ROBO2: variants seen among roughly 807,000 people sequenced by gnomAD.
ROBO2 encodes roundabout homolog 2.
Under a neutral mutation model 160.8 loss-of-function variants are expected in ROBO2, and 53 were observed. That is an observed-to-expected ratio of 0.33 (90% CI 0.26 to 0.41). The LOEUF is 0.41. ROBO2 is among the 10% of genes least tolerant of loss of function. The pLI is 1.00. For synonymous variants in ROBO2, 664 were observed against 611.7 expected (o/e 1.09, Z -1.26); for missense variants, 1,577 against 1,722.4 (o/e 0.92, Z 1.49).
At chr3:76,572,019 T>A (rs928507795) in intron 2 of ROBO2, among the ~76,000 whole-genome samples, 2 of 152,168 alleles carry the variant, frequency 1.3e-5, no homozygotes, top group Non-Finnish European at 2.9e-5. Context: ...TAAAATGTAG[T>A]CATATAAATG....
intron 2 of ROBO2, among the ~76,000 whole-genome samples, chr3:77,198,715 A>G (rs1247610196): frequency 6.6e-6 from 1 of 152,154 alleles, no homozygotes; most frequent in East Asian, 1.9e-4. Context: ...AGCCTAGCCA[A>G]TATGGTGAAA....
chr3:76,771,702 T>A (rs1164669704), intron 2 of ROBO2, among the ~76,000 whole-genome samples: 1 of 151,262 alleles, frequency 6.6e-6, no homozygotes, highest in African/African-American at 2.4e-5. Context: ...AACAATATTA[T>A]GCAAAATAAA....
chr3:77,536,640 G>A (rs756311519), intron 6 of ROBO2, among the ~76,000 whole-genome samples: 1 of 152,058 alleles, frequency 6.6e-6, no homozygotes, highest in Admixed American at 6.5e-5. Flanking sequence ...TGTGGTAGGA[G>A]GTGACTTCCA....
At chr3:76,287,303 T>C (rs1384996471) in intron 2 of ROBO2, among the ~76,000 whole-genome samples, 3 of 150,770 alleles carry the variant, frequency 2.0e-5, no homozygotes, top group Non-Finnish European at 4.4e-5. Flanking sequence ...TTCTTTTCTT[T>C]TTTTTTTTTT....
chr3:77,424,005 C>G (rs1403655326), intron 2 of ROBO2, among the ~76,000 whole-genome samples: 1 of 152,112 alleles, frequency 6.6e-6, no homozygotes, highest in Non-Finnish European at 1.5e-5. Context: ...AGAGTTTCTA[C>G]TTCTTTCCCC....
At chr3:76,104,712 T>TTAAA (rs572916499) in intron 2 of ROBO2, among the ~76,000 whole-genome samples, 23 of 152,328 alleles carry the variant, frequency 1.5e-4, no homozygotes, top group African/African-American at 5.3e-4. Context: ...AGACATCTCT[T>TTAAA]TAAATTTCCT....
chr3:75,913,177 C>CT (rs1218362179), intron 1 of ROBO2, among the ~76,000 whole-genome samples: 4 of 152,106 alleles, frequency 2.6e-5, no homozygotes, highest in African/African-American at 2.4e-5. Context: ...GCTTTTATTT[C>CT]TGTTCCTTTC....
At chr3:76,710,900 G>A (rs1455116481) in intron 2 of ROBO2, among the ~76,000 whole-genome samples, 2 of 152,054 alleles carry the variant, frequency 1.3e-5, no homozygotes, top group African/African-American at 4.8e-5. Context: ...AGTAGTTCAC[G>A]GCTAGCACTT....
At chr3:76,191,692 ATTC>A (rs1305784653) in intron 2 of ROBO2, among the ~76,000 whole-genome samples, 1 of 152,022 alleles carries the variant, frequency 6.6e-6, no homozygotes, top group African/African-American at 2.4e-5. Context: ...TTACTCTTGG[ATTC>A]TTCAACAGGA....
At chr3:75,922,380 A>C (rs1947096572) in intron 1 of ROBO2, among the ~76,000 whole-genome samples, 1 of 152,164 alleles carries the variant, frequency 6.6e-6, no homozygotes, top group Non-Finnish European at 1.5e-5. Context: ...ATTTTTTAAA[A>C]AATATTTATG....
chr3:77,151,240 T>G (rs2077523963), intron 2 of ROBO2, among the ~76,000 whole-genome samples: 1 of 152,100 alleles, frequency 6.6e-6, no homozygotes, highest in Non-Finnish European at 1.5e-5. Flanking sequence ...TATGAGAACA[T>G]AAAAATTTAT....
At chr3:77,298,110 T>A (rs2062318558) in intron 2 of ROBO2, among the ~76,000 whole-genome samples, 1 of 152,048 alleles carries the variant, frequency 6.6e-6, no homozygotes, top group South Asian at 2.1e-4. Context: ...AAAATGAAGC[T>A]TTTTTGGGTG....
intron 2 of ROBO2, among the ~76,000 whole-genome samples, chr3:76,670,133 A>G (rs2092208921): frequency 2.0e-5 from 3 of 152,212 alleles, no homozygotes; most frequent in Admixed American, 6.6e-5. Flanking sequence ...AATACCTTGT[A>G]TAATTTTTAG....
chr3:76,784,266 G>A (rs938407607), intron 2 of ROBO2, among the ~76,000 whole-genome samples: 2 of 151,098 alleles, frequency 1.3e-5, no homozygotes, highest in African/African-American at 2.4e-5. Flanking sequence ...AGGAGAGAAA[G>A]ACTTTCAACA....
At chr3:76,271,654 G>T (rs1707437910) in intron 2 of ROBO2, among the ~76,000 whole-genome samples, 1 of 151,642 alleles carries the variant, frequency 6.6e-6, no homozygotes, top group Non-Finnish European at 1.5e-5. Flanking sequence ...ATGTATTCAT[G>T]AATATATGCA....
intron 8 of ROBO2, among the ~76,000 whole-genome samples, chr3:77,556,754 G>A (rs751717594): frequency 1.3e-4 from 19 of 151,850 alleles, no homozygotes; most frequent in Non-Finnish European, 4.4e-5. Context: ...GAAATTATTA[G>A]AATCCATCAT....
At chr3:76,305,154 T>C (rs1391543191) in intron 2 of ROBO2, among the ~76,000 whole-genome samples, 13 of 151,776 alleles carry the variant, frequency 8.6e-5, no homozygotes, top group Admixed American at 8.6e-4. Context: ...TTTGGGAGGC[T>C]GAGGACAGAG....
At chr3:77,269,458 T>G (rs2059348045) in intron 2 of ROBO2, among the ~76,000 whole-genome samples, 1 of 152,162 alleles carries the variant, frequency 6.6e-6, no homozygotes, top group Non-Finnish European at 1.5e-5. Context: ...GGGCTTTTCT[T>G]TTGGATTTGG....
rs142639509 is a variant in ROBO2 at position 76,882,470 on chromosome 3, C to T, written c.110-215544C>T. ...GGACTCGGTCACTCCCCCATCCCCG[C>T]CCTATATTACAAATACTTTCAGGGT... On this transcript the variant is annotated intron_variant, in intron 2 of 26. Transcript: ENST00000487694. 1.1e-4 allele frequency among the ~76,000 whole-genome samples: 16 copies of T among 152,132 alleles called. 1 individual carries two copies. The East Asian group carries it at 3.1e-3, about 29-fold the overall frequency.
Sources: allele counts gnomAD v4.1 joint callset (sites outside exome capture counted in the v4.1 genomes callset), GRCh38; gene constraint gnomAD v4.1.1; transcripts MANE v1.5; gene names NCBI Gene and HGNC (gene_info 2026-07-23, HGNC 2026-07-21).